The following FGF13 variants were observed in gnomAD, a reference collection of about 807,000 sequenced individuals.
FGF13 encodes fibroblast growth factor 13.
Under a neutral mutation model 19.5 loss-of-function variants are expected in FGF13, and 2 were observed. The ratio of observed to expected loss-of-function variants is 0.10; its 90% CI spans 0.04 to 0.32. FGF13 has a LOEUF of 0.32. FGF13 is among the 10% of genes least tolerant of loss of function. The pLI, the probability that FGF13 is intolerant of heterozygous loss-of-function variation, is 1.00. For synonymous variants in FGF13, 72 were observed against 76.9 expected (o/e 0.94, Z 0.33); for missense variants, 113 against 192.7 (o/e 0.59, Z 2.45).
chrX:138,909,226 C>T (rs1184645922), intron 1 of FGF13, among the ~76,000 whole-genome samples: 1 of 111,785 alleles, frequency 8.9e-6, no homozygotes, highest in Non-Finnish European at 1.9e-5. Flanking sequence ...TAATGATCAG[C>T]ACTACAAAAG....
chrX:138,947,935 G>T (rs753052076), intron 1 of FGF13, among the ~76,000 whole-genome samples: 17 of 111,557 alleles, frequency 1.5e-4, no homozygotes, highest in Non-Finnish European at 2.6e-4. Flanking sequence ...ACAGAGGAAA[G>T]ACCATGTGAA....
chrX:138,911,674 C>T lies in FGF13; in HGVS notation c.-112-47024G>A, dbSNP rs972161136. Reference sequence around the variant, plus strand: ...AATTTCCCACTTGGAAGTATTTGCTCGTTCTCCCAACATGCAAGGGCCTTC... The same window carrying T: ...AATTTCCCACTTGGAAGTATTTGCTTGTTCTCCCAACATGCAAGGGCCTTC... On this transcript the variant is annotated intron_variant, in intron 1 of 2. Transcript: ENST00000421460. Among the ~76,000 whole-genome samples, 19 of 111,815 alleles carry T rather than the reference C, an allele frequency of 1.7e-4. No individual in the cohort carries two copies. In the Admixed American group the frequency reaches 1.8e-3, roughly 11 times the overall value.
chrX:138,796,467 A>G (rs990279645), intron 3 of FGF13, among the ~76,000 whole-genome samples: 1 of 111,872 alleles, frequency 8.9e-6, no homozygotes, highest in African/African-American at 3.2e-5. Context: ...TATCCAGTCT[A>G]TCATTGATGG....
chrX:139,185,085 C>T (rs1051183127), intron 1 of FGF13, among the ~76,000 whole-genome samples: 10 of 112,117 alleles, frequency 8.9e-5, no homozygotes, highest in African/African-American at 3.2e-4. Context: ...AAATCAGACC[C>T]AACAATGCAG....
intron 1 of FGF13, among the ~76,000 whole-genome samples, chrX:139,088,211 C>A (rs1304425822): frequency 8.9e-6 from 1 of 111,873 alleles, no homozygotes; most frequent in East Asian, 2.8e-4. Context: ...TGTATCCCAG[C>A]CTCTGGGGGT....
At chrX:138,734,406 A>G (rs2090257272) in intron 1 of FGF13, among the ~76,000 whole-genome samples, 1 of 111,236 alleles carries the variant, frequency 9.0e-6, no homozygotes, top group South Asian at 3.8e-4. Context: ...GTTCTGTGCT[A>G]TCAGTTAGGG....
At chrX:138,760,306 G>A (rs773037344) in intron 3 of FGF13, among the ~76,000 whole-genome samples, 1 of 112,096 alleles carries the variant, frequency 8.9e-6, no homozygotes, top group Non-Finnish European at 1.9e-5. Flanking sequence ...GTACCTGTGT[G>A]TGCATACTTG....
intron 3 of FGF13, among the ~76,000 whole-genome samples, chrX:138,777,402 G>T (rs908275095): frequency 9.9e-5 from 11 of 111,650 alleles, no homozygotes; most frequent in Admixed American, 6.7e-4. Flanking sequence ...GAGACATCAG[G>T]TATCCAGGAA....
intron 3 of FGF13, among the ~76,000 whole-genome samples, chrX:138,695,364 T>C (rs2089885743): frequency 8.9e-6 from 1 of 112,027 alleles, no homozygotes; most frequent in Admixed American, 9.5e-5. Flanking sequence ...ATGCCAATGC[T>C]GTAACTGACC....
At chrX:139,070,339 C>T (rs900654265) in intron 1 of FGF13, among the ~76,000 whole-genome samples, 1 of 112,047 alleles carries the variant, frequency 8.9e-6, no homozygotes, top group African/African-American at 3.2e-5. Flanking sequence ...AGACAATTCT[C>T]AAAAGAAGAG....
At chrX:139,158,006 C>T (rs746168846) in intron 1 of FGF13, among the ~76,000 whole-genome samples, 47 of 111,709 alleles carry the variant, frequency 4.2e-4, no homozygotes, top group South Asian at 3.8e-3. Flanking sequence ...TGCAAGGGGG[C>T]GGGAAACTCC....
intron 1 of FGF13, among the ~76,000 whole-genome samples, chrX:138,893,318 T>C (rs2091486912): frequency 8.9e-6 from 1 of 111,743 alleles, no homozygotes; most frequent in Non-Finnish European, 1.9e-5. Context: ...ACACGAGGCT[T>C]GTCCTTGCGC....
In FGF13 at chrX:138,830,687, T is replaced by TTGTGTGTGTGTGTGTGTGTG. The variant is rs144759178; in HGVS notation, c.217+26805_217+26824dup. On this transcript the variant is annotated intron_variant, in intron 3 of 6. Coordinates refer to the FGF13 transcript ENST00000436198. The stretch of plus-strand genomic sequence containing the variant: ...CCATGTAAAGAGTGAAAAGGGGTGT[T>TTGTGTGTGTGTGTGTGTGTG]TGTGTGTGTGTGTGTGTGTGTGTGT... Among the ~76,000 whole-genome samples, 368 of 87,499 alleles carry TTGTGTGTGTGTGTGTGTGTG rather than the reference T, an allele frequency of 4.2e-3. 5 individuals carry two copies. Among genetic ancestry groups the TTGTGTGTGTGTGTGTGTGTG allele is most frequent in the Middle Eastern group, 0.02 (3 of 150 alleles). 76.0% of individuals were successfully genotyped at this position (87,499 alleles called of 115,157 possible).
At chrX:138,703,284 T>C (rs974986858) in intron 2 of FGF13, among the ~76,000 whole-genome samples, 197 bp from the exon 3 acceptor site, 1 of 111,410 alleles carries the variant, frequency 9.0e-6, no homozygotes, top group Non-Finnish European at 1.9e-5. Context: ...GGCAGACAGA[T>C]AGGTCTCATT....
chrX:138,801,788 G>C (rs185097340), intron 3 of FGF13, among the ~76,000 whole-genome samples: 34 of 112,464 alleles, frequency 3.0e-4, no homozygotes, highest in African/African-American at 9.4e-4. Flanking sequence ...TGCCTAGTGA[G>C]GAGGAATCTA....
chrX:138,636,667 C>A (rs2089188533), intron 3 of FGF13, among the ~76,000 whole-genome samples: 1 of 111,751 alleles, frequency 8.9e-6, no homozygotes, highest in Non-Finnish European at 1.9e-5. Flanking sequence ...GCTAAGTGAG[C>A]TACATGTCAT....
chrX:139,061,608 AT>A (rs35411311), intron 1 of FGF13, among the ~76,000 whole-genome samples: 15,704 of 109,522 alleles, frequency 0.14, 949 homozygotes, highest in African/African-American at 0.22. Context: ...AAATAAACTT[AT>A]TTTTTTTTAA....
chrX:138,689,613 GAAGAA>G (rs1209056785), intron 3 of FGF13, among the ~76,000 whole-genome samples: 1 of 112,208 alleles, frequency 8.9e-6, no homozygotes, highest in African/African-American at 3.2e-5. Flanking sequence ...GAGTTATAGA[GAAGAA>G]AAGTCTAACC....
chrX:138,900,780 G>A (rs1235744745), intron 1 of FGF13, among the ~76,000 whole-genome samples: 1 of 111,154 alleles, frequency 9.0e-6, no homozygotes, highest in Non-Finnish European at 1.9e-5. Flanking sequence ...CATTACCCCT[G>A]GCCACTTCCC....
Sources: gnomAD v4.1 joint callset for allele counts (sites outside exome capture counted in the v4.1 genomes callset) on GRCh38, gnomAD v4.1.1 for gene constraint, MANE v1.5 for transcripts, NCBI Gene and HGNC (gene_info 2026-07-23, HGNC 2026-07-21) for gene names.